The following KHDRBS3 variants were observed in gnomAD, a reference collection of about 807,000 sequenced individuals.
KHDRBS3 encodes the protein KH RNA binding domain containing, signal transduction associated 3, also known as KH domain-containing, RNA-binding, signal transduction-associated protein 3.
Under a neutral mutation model 45.6 loss-of-function variants are expected in KHDRBS3, and 23 were observed. The ratio of observed to expected loss-of-function variants is 0.50; its 90% CI spans 0.36 to 0.72. The LOEUF (loss-of-function observed/expected upper bound fraction) is 0.72. KHDRBS3 is among the 30% of genes least tolerant of loss of function. The pLI is 0.00. For synonymous variants in KHDRBS3, 162 were observed against 156.5 expected, an observed-to-expected ratio of 1.04 and a Z score of -0.26; for missense variants, 352 against 424.8, an observed-to-expected ratio of 0.83 and a Z score of 1.51.
chr8:135,532,582 G>A (rs905945398), intron 2 of KHDRBS3, among the ~76,000 whole-genome samples: 3 of 151,978 alleles, frequency 2.0e-5, no homozygotes, highest in African/African-American at 7.2e-5. Flanking sequence ...GTGGTTTTTT[G>A]TGTGCGAGGC....
chr8:135,517,233 T>C (rs1326333145), intron 1 of KHDRBS3, among the ~76,000 whole-genome samples: 1 of 152,226 alleles, frequency 6.6e-6, no homozygotes, highest in Non-Finnish European at 1.5e-5. Flanking sequence ...GAGATGGTAT[T>C]GGTACCTTAA....
intron 1 of KHDRBS3, among the ~76,000 whole-genome samples, chr8:135,474,084 A>G (rs926201263): frequency 6.6e-6 from 1 of 152,200 alleles, no homozygotes; most frequent in African/African-American, 2.4e-5. Context: ...AGAGTTCACA[A>G]TCTCATTGTT....
chr8:135,517,832 T>C (rs1824693567), intron 1 of KHDRBS3, among the ~76,000 whole-genome samples: 1 of 152,116 alleles, frequency 6.6e-6, no homozygotes, highest in Non-Finnish European at 1.5e-5. Context: ...TTAAAAAAAA[T>C]CTTAAAATAT....
intron 1 of KHDRBS3, among the ~76,000 whole-genome samples, chr8:135,498,335 T>C (rs927684779): frequency 5.4e-5 from 8 of 148,842 alleles, no homozygotes; most frequent in African/African-American, 1.9e-4. Context: ...CAAGCCATCC[T>C]CCCTAGGGTG....
At chr8:135,572,315 G>T (rs1301827153) in intron 5 of KHDRBS3, among the ~76,000 whole-genome samples, 2 of 152,152 alleles carry the variant, frequency 1.3e-5, no homozygotes, top group Admixed American at 6.5e-5. Context: ...TAACTCTCTT[G>T]CACTTAAGAA....
intron 7 of KHDRBS3, among the ~76,000 whole-genome samples, chr8:135,624,682 C>G (rs183287087): frequency 4.3e-4 from 65 of 152,308 alleles, no homozygotes; most frequent in African/African-American, 1.5e-3. Context: ...CCAAAGGTTT[C>G]AAGGTCTGGC....
intron 7 of KHDRBS3, among the ~76,000 whole-genome samples, chr8:135,621,204 A>T (rs1007539851): frequency 6.6e-6 from 1 of 151,764 alleles, no homozygotes. Context: ...GGTGTAGAGC[A>T]GCTACTATAA....
intron 5 of KHDRBS3, among the ~76,000 whole-genome samples, chr8:135,559,189 A>G (rs192302263): frequency 0.011 from 1,629 of 152,254 alleles, 17 homozygotes; most frequent in Non-Finnish European, 0.017. Flanking sequence ...CTTTTTCTAG[A>G]TAAGGTAACC....
intron 7 of KHDRBS3, among the ~76,000 whole-genome samples, chr8:135,614,946 G>A (rs10107798): frequency 0.086 from 13,049 of 151,692 alleles, 1,316 homozygotes; most frequent in East Asian, 0.34. Context: ...AGTCGGGCTA[G>A]GGTCAGGAGA....
At chr8:135,636,232 T>A (rs544946108) in intron 7 of KHDRBS3, among the ~76,000 whole-genome samples, 1 of 152,202 alleles carries the variant, frequency 6.6e-6, no homozygotes, top group African/African-American at 2.4e-5. Context: ...TGTACTTCAG[T>A]GTGCCCCAGA....
Position 135,655,261 on chromosome 8 carries a change from G to A in KHDRBS3, c.*118-965G>A, listed in dbSNP as rs534968977. Among the ~76,000 whole-genome samples, 8 of 152,270 alleles carry A rather than the reference G, an allele frequency of 5.3e-5. No individual in the cohort carries two copies. In the East Asian group the frequency reaches 7.7e-4, roughly 15 times the overall value. On this transcript the variant is annotated intron_variant and NMD_transcript_variant, in intron 4 of 4. Transcript: ENST00000521461. ...TGCTTTATGCAGGTGACACTGAGAC[G>A]CCCACCGTGTCCCTGGCACTCTGCA...
At chr8:135,562,299 A>G (rs2130852148) in intron 5 of KHDRBS3, among the ~76,000 whole-genome samples, 1 of 152,302 alleles carries the variant, frequency 6.6e-6, no homozygotes, top group South Asian at 2.1e-4. Flanking sequence ...ATATGTGTAG[A>G]TACACAAACA....
intron 1 of KHDRBS3, among the ~76,000 whole-genome samples, chr8:135,502,062 C>T (rs1823762638): frequency 6.6e-6 from 1 of 152,098 alleles, no homozygotes; most frequent in Non-Finnish European, 1.5e-5. Context: ...TTGAGATATT[C>T]TTGTTTAAGT....
At chr8:135,468,997 T>C (rs1821840761) in intron 1 of KHDRBS3, among the ~76,000 whole-genome samples, 1 of 152,226 alleles carries the variant, frequency 6.6e-6, no homozygotes, top group Non-Finnish European at 1.5e-5. Context: ...CTTTCCCTAA[T>C]GAAAGCATAT....
At chr8:135,467,466 A>G (rs950312468) in intron 1 of KHDRBS3, among the ~76,000 whole-genome samples, 20 of 152,308 alleles carry the variant, frequency 1.3e-4, no homozygotes, top group Middle Eastern at 3.4e-3. Flanking sequence ...AAGATCACAC[A>G]TTTCGTGTAG....
chr8:135,562,421 C>T (rs1289505869), intron 5 of KHDRBS3, among the ~76,000 whole-genome samples: 2 of 152,198 alleles, frequency 1.3e-5, no homozygotes, highest in South Asian at 2.1e-4. Flanking sequence ...TAGTAGGCTA[C>T]GCCACCTAGG....
chr8:135,643,001 G>A (rs968771123), intron 7 of KHDRBS3, among the ~76,000 whole-genome samples: 5 of 151,864 alleles, frequency 3.3e-5, no homozygotes, highest in African/African-American at 1.2e-4. Flanking sequence ...CACCATGTTG[G>A]CCAGGATGGT....
intron 1 of KHDRBS3, among the ~76,000 whole-genome samples, chr8:135,500,292 T>C (rs1823671315): frequency 6.6e-6 from 1 of 152,054 alleles, no homozygotes; most frequent in South Asian, 2.1e-4. Flanking sequence ...TGGTTAGAAG[T>C]AATAGAGTGG....
chr8:135,554,491 C>G (rs1337377632), intron 4 of KHDRBS3, among the ~76,000 whole-genome samples: 8 of 152,024 alleles, frequency 5.3e-5, no homozygotes, highest in Admixed American at 5.2e-4. Flanking sequence ...TGGGAACATA[C>G]TAATAGGATT....
Sources: gnomAD v4.1 joint callset for allele counts (sites outside exome capture counted in the v4.1 genomes callset) on GRCh38, gnomAD v4.1.1 for gene constraint, MANE v1.5 for transcripts, NCBI Gene and HGNC (gene_info 2026-07-23, HGNC 2026-07-21) for gene names.